USP26: variants seen among roughly 807,000 people sequenced by gnomAD.
USP26 encodes the protein ubiquitin specific peptidase 26, also known as ubiquitin carboxyl-terminal hydrolase 26.
For missense variants in USP26, 649 were observed against 642.3 expected (o/e 1.01, Z -0.11); for synonymous variants, 236 against 240.6 (o/e 0.98, Z 0.18).
rs371531483 is a variant in USP26, at chrX:133,028,101, C to T, written c.120G>A (p.Leu40=). The T allele has an allele frequency of 9.1e-6, 11 of 1,209,373 alleles. No homozygotes were observed. The Admixed American group carries it at 1.1e-4, about 12-fold the overall frequency. Reference sequence around the variant, plus strand: ...TGCTATATTTTCCACTTTTGAAATACAGCACCAGTCTATCTTTCTTCTTTC... The same window carrying T: ...TGCTATATTTTCCACTTTTGAAATATAGCACCAGTCTATCTTTCTTCTTTC... ...VERKKKDRLV[L]YFKSGKYSTF... The change falls in exon 6 of 6, where the codon CTG becomes CTA. Residue 40 remains leucine (L), a synonymous_variant. Coordinates refer to ENST00000511190, the MANE Select transcript of USP26 (RefSeq NM_031907.3).
intron 5 of USP26, among the ~76,000 whole-genome samples, chrX:133,077,531 A>C (rs1483800485): frequency 8.9e-6 from 1 of 112,206 alleles, no homozygotes; most frequent in Non-Finnish European, 1.9e-5. Context: ...GATATACTAC[A>C]AAGAAGGCAA....
At chrX:133,084,195 ATTTAGTTT>A (rs1034437133) in intron 4 of USP26, among the ~76,000 whole-genome samples, 6 of 109,988 alleles carry the variant, frequency 5.5e-5, no homozygotes, top group Middle Eastern at 4.6e-3. Context: ...TTATTTATTT[ATTTAGTTT>A]GTTTGTTTAT....
At chrX:133,036,964 C>T (rs1462024901) in intron 5 of USP26, among the ~76,000 whole-genome samples, 1 of 112,725 alleles carries the variant, frequency 8.9e-6, no homozygotes, top group Non-Finnish European at 1.9e-5. Flanking sequence ...TTGTTGGCCA[C>T]ATAAATGTCT....
chrX:133,074,436 C>T (rs1364627890), intron 5 of USP26, among the ~76,000 whole-genome samples: 1 of 112,064 alleles, frequency 8.9e-6, no homozygotes, highest in Non-Finnish European at 1.9e-5. Flanking sequence ...AGGAATCAAA[C>T]ATACAGACAC....
rs1479283484 is a variant in USP26 at position 133,025,611 on chromosome X, C to T, written c.2610G>A (p.Met870Ile). Residue 870 changes from methionine (M) to isoleucine (I), a missense_variant, in exon 6 of 6, where the codon ATG becomes ATA. Transcript: ENST00000511190. Reference protein sequence around the residue: ...MRVLGIQEAQMQEDRRCTGYI... With the variant: ...MRVLGIQEAQIQEDRRCTGYI... Reference sequence around the variant, plus strand: ...ACCCAGTGCAACGCCTATCCTCCTGCATCTGGGCCTCCTGGATACCTAACA... The same window carrying T: ...ACCCAGTGCAACGCCTATCCTCCTGTATCTGGGCCTCCTGGATACCTAACA... 3 of 1,211,421 alleles carry T rather than the reference C, an allele frequency of 2.5e-6. No individual in the cohort carries two copies. Among genetic ancestry groups the T allele is most frequent in the South Asian group, 1.8e-5 (1 of 56,942 alleles).
At chrX:133,080,448 C>A (rs892491135) in intron 5 of USP26, among the ~76,000 whole-genome samples, 2 of 111,368 alleles carry the variant, frequency 1.8e-5, no homozygotes, top group Non-Finnish European at 3.8e-5. Context: ...TAAGGCACAG[C>A]AGAAAGACAT....
rs749043387 is a variant in USP26, at chrX:133,060,528, A to G, written c.-77+23179T>C. Among the ~76,000 whole-genome samples, 7 of 111,942 alleles carry G rather than the reference A, an allele frequency of 6.3e-5. No homozygotes were observed. The South Asian group carries it at 1.1e-3, about 18-fold the overall frequency. On this transcript the variant is annotated intron_variant, in intron 5 of 5. Coordinates refer to ENST00000511190, the MANE Select transcript of USP26 (RefSeq NM_031907.3). ...AAATCTTTACATTTAGAAATTGGGT[A>G]CTATATTATCAGTCCAGGAGGCACT...
At chrX:133,050,313 C>T (rs924887872) in intron 5 of USP26, among the ~76,000 whole-genome samples, 1 of 112,342 alleles carries the variant, frequency 8.9e-6, no homozygotes, top group African/African-American at 3.2e-5. Flanking sequence ...GAGCCTCCAG[C>T]TATTCCACCT....
chrX:133,034,039 C>T, intron 5 of USP26, among the ~76,000 whole-genome samples: 1 of 111,818 alleles, frequency 8.9e-6, no homozygotes, highest in African/African-American at 3.2e-5. Context: ...TTTCTAAAGA[C>T]CCAGTTCAAG....
chrX:133,093,952 T>C (rs1440328163), intron 1 of USP26, among the ~76,000 whole-genome samples: 3 of 78,370 alleles, frequency 3.8e-5, no homozygotes, highest in African/African-American at 1.6e-4. Context: ...CTGCACTCCA[T>C]CCTGGGTAAC....
chrX:133,040,707 C>T (rs1375819889), intron 5 of USP26, among the ~76,000 whole-genome samples: 1 of 111,077 alleles, frequency 9.0e-6, no homozygotes, highest in Non-Finnish European at 1.9e-5. Context: ...TAGTGGTATT[C>T]TCTGTATTTC....
intron 5 of USP26, among the ~76,000 whole-genome samples, chrX:133,044,262 C>T (rs762399968): frequency 1.9e-4 from 22 of 113,547 alleles, no homozygotes; most frequent in South Asian, 3.6e-4. Flanking sequence ...TCAGCCTCAG[C>T]GCCCACTCTG....
intron 5 of USP26, among the ~76,000 whole-genome samples, chrX:133,078,957 G>T (rs1476383267): frequency 8.9e-6 from 1 of 112,075 alleles, no homozygotes; most frequent in African/African-American, 3.2e-5. Flanking sequence ...GAAAATAACT[G>T]TTCATTTCAG....
chrX:133,083,327 A>T (rs1283366453), intron 5 of USP26, among the ~76,000 whole-genome samples: 1 of 112,307 alleles, frequency 8.9e-6, no homozygotes, highest in African/African-American at 3.2e-5. Context: ...GAGGCTGACA[A>T]TTGGTAGCTG....
At chrX:133,053,938 A>C (rs987685669) in intron 5 of USP26, among the ~76,000 whole-genome samples, 4 of 111,869 alleles carry the variant, frequency 3.6e-5, no homozygotes, top group Non-Finnish European at 5.6e-5. Flanking sequence ...TTTACTCATT[A>C]AGTGAAAGGC....
chrX:133,095,304 A>C (rs1327554995), intron 1 of USP26, among the ~76,000 whole-genome samples: 1 of 111,468 alleles, frequency 9.0e-6, no homozygotes. Flanking sequence ...GTAAAATAAA[A>C]TTCCAAATTC....
chrX:133,025,580 A>G lies in USP26; in HGVS notation c.2641T>C (p.Phe881Leu), dbSNP rs2067342562. Residue 881 changes from phenylalanine (F) to leucine (L), a missense_variant, in exon 6 of 6, where the codon TTC becomes CTC. Transcript: ENST00000511190. ...AAGATCTCATTATGCATGTAAAAGA[A>G]GATGTACCCAGTGCAACGCCTATCC... ...QEDRRCTGYI[F>L]FYMHNEIFEE... The G allele has an allele frequency of 8.3e-7, 1 of 1,209,306 alleles. No homozygotes were observed. The highest frequency in any genetic ancestry group is 1.8e-5 in the African/African-American group (1 of 56,990).
At chrX:133,082,069 C>T (rs933401581) in intron 5 of USP26, among the ~76,000 whole-genome samples, 1 of 111,516 alleles carries the variant, frequency 9.0e-6, no homozygotes, top group African/African-American at 3.3e-5. Context: ...GGTTGCTTGT[C>T]CAGTTGGGGA....
intron 5 of USP26, among the ~76,000 whole-genome samples, chrX:133,068,907 A>C (rs2148534121): frequency 8.9e-6 from 1 of 112,598 alleles, no homozygotes; most frequent in South Asian, 3.7e-4. Context: ...CCGCTAATTA[A>C]GAATGAGCTA....
Sources: gnomAD v4.1 joint callset for allele counts (sites outside exome capture counted in the v4.1 genomes callset) on GRCh38, gnomAD v4.1.1 for gene constraint, MANE v1.5 for transcripts, NCBI Gene and HGNC (gene_info 2026-07-23, HGNC 2026-07-21) for gene names.